ADK: variants seen among roughly 807,000 people sequenced by gnomAD.
ADK encodes adenosine kinase.
In ADK, 24 loss-of-function variants were observed where a neutral mutation model predicts 44.7. The observed-to-expected ratio is 0.54, with a 90% CI of 0.39 to 0.76. The LOEUF is 0.76. Among genes scored for constraint, ADK ranks in the 30% least tolerant of loss-of-function variants. The pLI is 0.00. For missense variants in ADK, 321 were observed against 425.1 expected, an observed-to-expected ratio of 0.76 and a Z score of 2.15; for synonymous variants, 128 against 142.6, an observed-to-expected ratio of 0.90 and a Z score of 0.73.
At chr10:74,283,810 A>G (rs1423984796) in intron 3 of ADK, among the ~76,000 whole-genome samples, 2 of 149,946 alleles carry the variant, frequency 1.3e-5, no homozygotes, top group African/African-American at 4.9e-5. Flanking sequence ...CCTCCTGAGT[A>G]GCTGGGACTA....
chr10:74,231,395 C>T (rs1844757213), intron 3 of ADK, among the ~76,000 whole-genome samples: 1 of 152,136 alleles, frequency 6.6e-6, no homozygotes, highest in African/African-American at 2.4e-5. Context: ...ACACATCAGC[C>T]TCTTTCTATG....
chr10:74,674,739 G>A (rs533639984), intron 10 of ADK, among the ~76,000 whole-genome samples: 11 of 152,160 alleles, frequency 7.2e-5, no homozygotes, highest in East Asian at 3.9e-4. Context: ...AAAATTAGCC[G>A]GGCATGGCGT....
intron 6 of ADK, among the ~76,000 whole-genome samples, chr10:74,468,151 T>C (rs1846427567): frequency 6.6e-6 from 1 of 152,204 alleles, no homozygotes; most frequent in African/African-American, 2.4e-5. Context: ...CAAGTAGTAT[T>C]AAAAGGCCCT....
intron 4 of ADK, among the ~76,000 whole-genome samples, chr10:74,354,938 T>C (rs1042301883): frequency 3.3e-5 from 5 of 152,246 alleles, no homozygotes; most frequent in Non-Finnish European, 7.3e-5. Flanking sequence ...TATGCATTTA[T>C]AATGCATTAA....
chr10:74,521,301 T>G (rs1383464641), intron 6 of ADK, among the ~76,000 whole-genome samples: 1 of 148,566 alleles, frequency 6.7e-6, no homozygotes, highest in Non-Finnish European at 1.5e-5. Flanking sequence ...AAGTTTTGTA[T>G]ATTTATAAAA....
intron 9 of ADK, among the ~76,000 whole-genome samples, chr10:74,649,283 A>G (rs775183325): frequency 3.9e-5 from 6 of 152,186 alleles, no homozygotes; most frequent in Non-Finnish European, 8.8e-5. Context: ...AGTATATAAA[A>G]ATTAGATTAT....
intron 3 of ADK, among the ~76,000 whole-genome samples, chr10:74,287,271 T>A (rs569336270): frequency 6.6e-6 from 1 of 152,200 alleles, no homozygotes; most frequent in Admixed American, 6.5e-5. Flanking sequence ...AAGACCATCC[T>A]GGCTAACATG....
chr10:74,258,804 A>G (rs1845921446), intron 3 of ADK, among the ~76,000 whole-genome samples: 1 of 152,180 alleles, frequency 6.6e-6, no homozygotes, highest in Non-Finnish European at 1.5e-5. Flanking sequence ...TAATAGCATA[A>G]TAGTTTTGTG....
At chr10:74,546,145 G>A (rs930955887) in intron 7 of ADK, among the ~76,000 whole-genome samples, 3 of 152,192 alleles carry the variant, frequency 2.0e-5, no homozygotes, top group Non-Finnish European at 4.4e-5. Context: ...AATATACCAT[G>A]AGGAATACTG....
intron 4 of ADK, among the ~76,000 whole-genome samples, chr10:74,351,440 T>C (rs1841960665): frequency 6.6e-6 from 1 of 152,190 alleles, no homozygotes; most frequent in Non-Finnish European, 1.5e-5. Context: ...GGGCTATTTA[T>C]GACAAATCCA....
intron 4 of ADK, among the ~76,000 whole-genome samples, chr10:74,383,618 T>C (rs943579301): frequency 2.6e-5 from 4 of 152,186 alleles, no homozygotes; most frequent in Admixed American, 2.6e-4. Context: ...TTCTAAGTTT[T>C]ATGTAACATA....
At chr10:74,396,713 GGAGGCC>G (rs1340390984) in intron 5 of ADK, among the ~76,000 whole-genome samples, 1 of 147,768 alleles carries the variant, frequency 6.8e-6, no homozygotes, top group Non-Finnish European at 1.5e-5. Context: ...CAGCACTTTG[GGAGGCC>G]GAGGCGGGTG....
At chr10:74,410,738 C>G (rs944609011) in intron 6 of ADK, among the ~76,000 whole-genome samples, 3 of 152,014 alleles carry the variant, frequency 2.0e-5, no homozygotes, top group Non-Finnish European at 4.4e-5. Context: ...AAACCTTATT[C>G]GACCATGGAA....
At chr10:74,550,547 T>C (rs899945309) in intron 7 of ADK, among the ~76,000 whole-genome samples, 1 of 152,126 alleles carries the variant, frequency 6.6e-6, no homozygotes, top group African/African-American at 2.4e-5. Flanking sequence ...CCAGCAGTGA[T>C]AGGAAATAAT....
intron 4 of ADK, among the ~76,000 whole-genome samples, chr10:74,342,816 T>TGTGTGTGTGTGTGTGA (rs56148690): frequency 6.6e-6 from 1 of 151,636 alleles, no homozygotes; most frequent in African/African-American, 2.4e-5. Context: ...TGTGTGTGTG[T>TGTGTGTGTGTGTGTGA]TTTAATATTG....
At chr10:74,529,400 T>C (rs1284726503) in intron 7 of ADK, 1 of 152,070 alleles carries the variant, frequency 6.6e-6, no homozygotes, top group East Asian at 1.9e-4. Flanking sequence ...AGTACAGAGC[T>C]TCTGTTTGGG....
chr10:74,338,654 A>G (rs1361655284), intron 4 of ADK, among the ~76,000 whole-genome samples: 3 of 152,256 alleles, frequency 2.0e-5, no homozygotes, highest in Non-Finnish European at 4.4e-5. Flanking sequence ...AAGTAAAAAA[A>G]AAGCTAAACT....
chr10:74,478,775 T>C (rs547236333), intron 6 of ADK, among the ~76,000 whole-genome samples: 1 of 152,344 alleles, frequency 6.6e-6, no homozygotes, highest in South Asian at 2.1e-4. Flanking sequence ...CTAATACACA[T>C]TTATTGAATT....
At chr10:74,276,513 A>G (rs1591972696) in intron 3 of ADK, among the ~76,000 whole-genome samples, 1 of 152,294 alleles carries the variant, frequency 6.6e-6, no homozygotes, top group East Asian at 1.9e-4. Context: ...CCCTTTTATT[A>G]TCTTATAGTT....
Sources: allele counts gnomAD v4.1 joint callset (sites outside exome capture counted in the v4.1 genomes callset), GRCh38; gene constraint gnomAD v4.1.1; transcripts MANE v1.5; gene names NCBI Gene and HGNC (gene_info 2026-07-23, HGNC 2026-07-21).